The following LMNTD1 variants were observed in gnomAD, a reference collection of about 807,000 sequenced individuals.
LMNTD1 encodes lamin tail domain containing 1, also known as lamin tail domain-containing protein 1.
In LMNTD1, 35 loss-of-function variants were observed where a neutral mutation model predicts 50.9. That is an observed-to-expected ratio of 0.69 (90% CI 0.53 to 0.91). The LOEUF (loss-of-function observed/expected upper bound fraction) is 0.91. Ranked by LOEUF, LMNTD1 falls within the 40% of genes least tolerant of loss-of-function variation. The pLI is 0.00. For missense variants in LMNTD1, 470 were observed against 475.5 expected, an observed-to-expected ratio of 0.99 and a Z score of 0.11; for synonymous variants, 153 against 161.9, an observed-to-expected ratio of 0.94 and a Z score of 0.42.
intron 8 of LMNTD1, among the ~76,000 whole-genome samples, chr12:25,516,678 A>G (rs1425694670): frequency 1.3e-5 from 2 of 152,140 alleles, no homozygotes; most frequent in Admixed American, 1.3e-4. Flanking sequence ...AAACTCAGAC[A>G]TAGAGCTACA....
chr12:25,492,010 A>T (rs924011034), intron 9 of LMNTD1, among the ~76,000 whole-genome samples: 2 of 152,262 alleles, frequency 1.3e-5, no homozygotes, highest in African/African-American at 4.8e-5. Flanking sequence ...CCAGAAATCA[A>T]CCAGAAAACT....
chr12:25,501,759 C>A (rs1939401773), intron 9 of LMNTD1, among the ~76,000 whole-genome samples: 1 of 152,054 alleles, frequency 6.6e-6, no homozygotes, highest in Admixed American at 6.5e-5. Flanking sequence ...CTCATGAATA[C>A]CAGTAAGAAC....
chr12:25,552,804 G>T, intron 2 of LMNTD1, 67 bp downstream of exon 2: 1 of 929,554 alleles, frequency 1.1e-6, no homozygotes, highest in Non-Finnish European at 1.7e-6. Flanking sequence ...AAGAGGTCAA[G>T]CATGCCATCA....
chr12:25,525,566 GA>G (rs1941646310), intron 6 of LMNTD1, among the ~76,000 whole-genome samples: 1 of 152,164 alleles, frequency 6.6e-6, no homozygotes, highest in Non-Finnish European at 1.5e-5. Flanking sequence ...TTAGGAATAT[GA>G]GATATCAAAA....
chr12:25,520,145 CATATATATAT>C (rs71065950), intron 6 of LMNTD1, 70 bp from the exon 7 acceptor site: 24 of 234,186 alleles, frequency 1.0e-4, no homozygotes, highest in Non-Finnish European at 9.6e-5. Context: ...ATGAGATATA[CATATATATAT>C]ATATATATAT....
intron 4 of LMNTD1, among the ~76,000 whole-genome samples, chr12:25,539,511 G>A (rs540648300): frequency 2.6e-4 from 39 of 151,578 alleles, no homozygotes; most frequent in African/African-American, 9.2e-4. Context: ...AAATAAAGGT[G>A]TTCTTTGAAA....
At chr12:25,596,232 G>A (rs1945842970) in intron 1 of LMNTD1, among the ~76,000 whole-genome samples, 2 of 152,126 alleles carry the variant, frequency 1.3e-5, no homozygotes, top group South Asian at 2.1e-4. Flanking sequence ...CTATGAAGCA[G>A]TATCACCCTA....
At chr12:25,619,271 T>C (rs1192121765) in intron 1 of LMNTD1, among the ~76,000 whole-genome samples, 1 of 62,470 alleles carries the variant, frequency 1.6e-5, no homozygotes, top group African/African-American at 9.9e-5. Context: ...TATATATATA[T>C]ATATATATGT....
At chr12:25,591,885 G>C (rs1096022) in intron 1 of LMNTD1, among the ~76,000 whole-genome samples, 2,990 of 151,692 alleles carry the variant, frequency 0.02, 42 homozygotes, top group African/African-American at 0.034. Flanking sequence ...GAAAGTGAGG[G>C]AAGAGAACAA....
chr12:25,546,553 A>G lies in LMNTD1; in HGVS notation c.312T>C (p.Asp104=). 6.5e-7 allele frequency: 1 copy of G among 1,530,162 alleles called. No individual in the cohort carries two copies. Among genetic ancestry groups the G allele is most frequent in the East Asian group, 2.4e-5 (1 of 42,264 alleles). The allele number at this position is 1,530,162 out of a possible 1,614,324, so 94.8% of individuals were successfully genotyped here. A position where few individuals can be genotyped will look rare whatever the true frequency, so the allele number is the denominator to read the frequency against. Residue 104 remains aspartate (D), a splice_region_variant and synonymous_variant, in exon 4 of 10, where the codon GAT becomes GAC. Coordinates refer to ENST00000458174, the MANE Select transcript of LMNTD1 (RefSeq NM_001145728.2). ...TCTTCGGAACTGAGAAGGGGCTGGC[A>G]TCTTTCAAGTAGACAGAAGAAAGAA... ...GSCSRVENSL[D]ASPFSVPKKQ... is the part of the protein sequence containing the mutation.
chr12:25,610,503 T>C (rs1272994175), intron 1 of LMNTD1, among the ~76,000 whole-genome samples: 2 of 152,132 alleles, frequency 1.3e-5, no homozygotes, highest in South Asian at 2.1e-4. Flanking sequence ...AGATTTAATT[T>C]ATTGGACAAC....
chr12:25,569,142 C>T (rs976049788), intron 1 of LMNTD1, among the ~76,000 whole-genome samples: 1 of 152,226 alleles, frequency 6.6e-6, no homozygotes, highest in African/African-American at 2.4e-5. Flanking sequence ...AGGGGCTGCA[C>T]CCGGCAAAGC....
chr12:25,561,015 A>G (rs1944284727), intron 1 of LMNTD1, among the ~76,000 whole-genome samples: 1 of 152,068 alleles, frequency 6.6e-6, no homozygotes, highest in African/African-American at 2.4e-5. Flanking sequence ...CTAATTGAAT[A>G]CCCTTTTTTT....
chr12:25,641,223 G>C (rs1310363211), intron 1 of LMNTD1, among the ~76,000 whole-genome samples: 1 of 151,962 alleles, frequency 6.6e-6, no homozygotes, highest in Non-Finnish European at 1.5e-5. Flanking sequence ...ATGTTCATAA[G>C]GCTGTACTAA....
At chr12:25,504,781 A>C (rs1189233871) in intron 8 of LMNTD1, among the ~76,000 whole-genome samples, 4 of 152,250 alleles carry the variant, frequency 2.6e-5, no homozygotes, top group Admixed American at 6.5e-5. Context: ...TCTTAGCCAC[A>C]AATAGGATTC....
At chr12:25,511,246 T>C (rs192710764) in intron 8 of LMNTD1, among the ~76,000 whole-genome samples, 1 of 152,204 alleles carries the variant, frequency 6.6e-6, no homozygotes, top group East Asian at 1.9e-4. Flanking sequence ...GACTCCACCA[T>C]GAGGGCAATG....
At position 25,529,072 on chromosome 12, in the gene LMNTD1, A is replaced by G. The variant is rs138935050; in HGVS notation, c.492-2117T>C. On this transcript the variant is annotated intron_variant, in intron 4 of 9. Transcript: ENST00000458174. ...ATCGGTAAATTGAGTGGCAACTGTT[A>G]GTCTATATCTTCATGTCTCCTCAGT... Among the ~76,000 whole-genome samples the G allele has an allele frequency of 2.7e-4, 41 of 152,200 alleles. No homozygotes were observed. The East Asian group carries it at 7.9e-3, about 29-fold the overall frequency.
chr12:25,531,100 GT>G (rs2136118659), intron 4 of LMNTD1, among the ~76,000 whole-genome samples: 1 of 152,284 alleles, frequency 6.6e-6, no homozygotes, highest in East Asian at 1.9e-4. Flanking sequence ...TAGTAAGGAA[GT>G]ACTATCACAG....
At chr12:25,547,955 A>G (rs1943528056) in intron 3 of LMNTD1, among the ~76,000 whole-genome samples, 1 of 151,854 alleles carries the variant, frequency 6.6e-6, no homozygotes, top group Non-Finnish European at 1.5e-5. Context: ...AGGGGAAGCC[A>G]CTGTATTTCA....
Sources: gnomAD v4.1 joint callset for allele counts (sites outside exome capture counted in the v4.1 genomes callset) on GRCh38, gnomAD v4.1.1 for gene constraint, MANE v1.5 for transcripts, NCBI Gene and HGNC (gene_info 2026-07-23, HGNC 2026-07-21) for gene names.